Variants in ITGA9 observed in about 807,000 individuals in gnomAD.
The protein encoded by ITGA9 is integrin alpha-9.
ITGA9 carries 56 observed loss-of-function variants against 127.8 expected under a neutral mutation model. That is an observed-to-expected ratio of 0.44 (90% CI 0.35 to 0.55). The LOEUF is 0.55. ITGA9 is among the 20% of genes least tolerant of loss of function. The pLI is 0.00. For missense variants in ITGA9, 1,196 were observed against 1,347.1 expected, an observed-to-expected ratio of 0.89 and a Z score of 1.76; for synonymous variants, 508 against 514.5, an observed-to-expected ratio of 0.99 and a Z score of 0.17.
chr3:37,702,587 GA>G (rs1015978620), intron 18 of ITGA9, among the ~76,000 whole-genome samples: 20 of 150,200 alleles, frequency 1.3e-4, no homozygotes, highest in East Asian at 9.8e-4. Context: ...TCTCTAAAGG[GA>G]AAAAAAAATG....
intron 18 of ITGA9, among the ~76,000 whole-genome samples, chr3:37,693,682 G>C (rs755756513): frequency 1.3e-5 from 2 of 152,150 alleles, no homozygotes; most frequent in Non-Finnish European, 2.9e-5. Flanking sequence ...TAGACAGAAG[G>C]TTCCATACAG....
chr3:37,517,703 G>A (rs533127566), intron 10 of ITGA9, 94 bp downstream of exon 10: 11 of 899,854 alleles, frequency 1.2e-5, no homozygotes, highest in Non-Finnish European at 1.8e-5. Context: ...TCCATCTCTA[G>A]TGGCATGCTC....
chr3:37,473,284 C>G, intron 2 of ITGA9, 70 bp from the exon 3 acceptor site: 1 of 1,206,420 alleles, frequency 8.3e-7, no homozygotes, highest in South Asian at 1.2e-5. Flanking sequence ...GGGCTGTGGA[C>G]CACCCTTTGA....
Position 37,799,654 on chromosome 3 carries a change from G to C in ITGA9, c.2890-4169G>C, listed in dbSNP as rs1432887920. On this transcript the variant is annotated intron_variant, in intron 26 of 27. Coordinates refer to ENST00000264741, the MANE Select transcript of ITGA9 (RefSeq NM_002207.3). This position sits in a 1 kb window ranked among gnomAD's most constrained non-coding sequence, Gnocchi z 4.0. ...GAAAGTCATGGATACTGTAAACCGA[G>C]AAGTGACATGATGAGACCTGTGCCT... Among the ~76,000 whole-genome samples the C allele has an allele frequency of 6.6e-6, 1 of 152,162 alleles. No individual in the cohort carries two copies. Among genetic ancestry groups the C allele is most frequent in the Non-Finnish European group, 1.5e-5 (1 of 68,038 alleles).
At chr3:37,460,365 A>G (rs993097449) in intron 1 of ITGA9, among the ~76,000 whole-genome samples, 6 of 152,248 alleles carry the variant, frequency 3.9e-5, no homozygotes, top group African/African-American at 1.4e-4. Context: ...AGAATGAGTA[A>G]GAACTAGTAT....
At chr3:37,542,961 T>A (rs149793255) in intron 15 of ITGA9, among the ~76,000 whole-genome samples, 2 of 152,280 alleles carry the variant, frequency 1.3e-5, no homozygotes, top group Admixed American at 6.5e-5. Context: ...CTGCACCTGA[T>A]GCCTTTCTCA....
intron 16 of ITGA9, among the ~76,000 whole-genome samples, chr3:37,644,403 C>T (rs933972910): frequency 6.6e-6 from 1 of 151,964 alleles, no homozygotes; most frequent in Non-Finnish European, 1.5e-5. Flanking sequence ...CACATAGAAG[C>T]AGATTGTGGG....
chr3:37,773,406 G>C (rs1053476137), intron 23 of ITGA9, among the ~76,000 whole-genome samples: 1 of 152,188 alleles, frequency 6.6e-6, no homozygotes, highest in Non-Finnish European at 1.5e-5. Context: ...CAGGGAATTT[G>C]GAGACCTACA....
At chr3:37,795,703 A>G (rs1272259094) in intron 26 of ITGA9, among the ~76,000 whole-genome samples, 1 of 152,042 alleles carries the variant, frequency 6.6e-6, no homozygotes, top group Admixed American at 6.6e-5. Context: ...TGCCTTCCCC[A>G]GCTCAGCCTG....
chr3:37,616,159 G>A (rs1178384276), intron 15 of ITGA9, among the ~76,000 whole-genome samples: 8 of 150,508 alleles, frequency 5.3e-5, no homozygotes, highest in Admixed American at 4.6e-4. Context: ...ATTCTGGTAT[G>A]TTGTGTCTTT....
chr3:37,513,156 A>T (rs976469652), intron 8 of ITGA9, among the ~76,000 whole-genome samples: 1 of 139,204 alleles, frequency 7.2e-6, no homozygotes, highest in South Asian at 2.1e-4. Flanking sequence ...GCCTTGTCAA[A>T]TGTCTGATAT....
At chr3:37,805,235 C>T (rs989337633) in intron 27 of ITGA9, among the ~76,000 whole-genome samples, 2 of 151,912 alleles carry the variant, frequency 1.3e-5, no homozygotes, top group African/African-American at 4.8e-5. Context: ...TTTTTGTAAA[C>T]ATAGGGTCTC....
chr3:37,702,378 A>G (rs1700956463), intron 18 of ITGA9, among the ~76,000 whole-genome samples: 1 of 152,166 alleles, frequency 6.6e-6, no homozygotes, highest in African/African-American at 2.4e-5. Context: ...TCCAAGGGGA[A>G]TGTCTGTGTG....
chr3:37,764,272 A>G (rs1265845820), intron 23 of ITGA9, among the ~76,000 whole-genome samples: 3 of 151,960 alleles, frequency 2.0e-5, no homozygotes, highest in African/African-American at 7.3e-5. Context: ...CATATTCTCC[A>G]AATAAAAATT....
intron 5 of ITGA9, among the ~76,000 whole-genome samples, chr3:37,498,337 T>C (rs1409911452): frequency 6.6e-6 from 1 of 151,986 alleles, no homozygotes; most frequent in Non-Finnish European, 1.5e-5. Flanking sequence ...GAGGAGAAGC[T>C]AGATTGATGG....
At chr3:37,476,149 A>G (rs1046847766) in intron 3 of ITGA9, among the ~76,000 whole-genome samples, 3 of 152,162 alleles carry the variant, frequency 2.0e-5, no homozygotes, top group Non-Finnish European at 4.4e-5. Context: ...TGCTGCTATA[A>G]ATGTGTACCA....
intron 15 of ITGA9, among the ~76,000 whole-genome samples, chr3:37,602,138 A>G (rs1575163522): frequency 6.6e-6 from 1 of 152,326 alleles, no homozygotes; most frequent in East Asian, 1.9e-4. Context: ...TGGAGATCAG[A>G]TTTCAGAGTG....
chr3:37,750,815 T>C (rs1392334473), intron 23 of ITGA9, among the ~76,000 whole-genome samples: 1 of 152,248 alleles, frequency 6.6e-6, no homozygotes, highest in Non-Finnish European at 1.5e-5. Flanking sequence ...AACCAGCTCC[T>C]GGGATGGACT....
intron 17 of ITGA9, among the ~76,000 whole-genome samples, chr3:37,676,158 A>G (rs1352291690): frequency 6.6e-6 from 1 of 152,242 alleles, no homozygotes; most frequent in African/African-American, 2.4e-5. Context: ...ACCATATTAT[A>G]TCGTAAGTAA....
Sources: allele counts gnomAD v4.1 joint callset (sites outside exome capture counted in the v4.1 genomes callset), GRCh38; gene constraint gnomAD v4.1.1; non-coding constraint Gnocchi (gnomAD v3.1); transcripts MANE v1.5; gene names NCBI Gene and HGNC (gene_info 2026-07-23, HGNC 2026-07-21).